The following FGF13 variants were observed in gnomAD, a reference collection of about 807,000 sequenced individuals.
FGF13 encodes the protein fibroblast growth factor homologous factor 2.
FGF13 carries 2 observed loss-of-function variants against 19.5 expected under a neutral mutation model. That is an observed-to-expected ratio of 0.10 (90% CI 0.04 to 0.32). FGF13 has a LOEUF of 0.32. Among genes scored for constraint, FGF13 ranks in the 10% least tolerant of loss-of-function variants. The pLI, the probability that FGF13 is intolerant of heterozygous loss-of-function variation, is 1.00. For synonymous variants in FGF13, 72 were observed against 76.9 expected (o/e 0.94, Z 0.33); for missense variants, 113 against 192.7 (o/e 0.59, Z 2.45).
intron 3 of FGF13, among the ~76,000 whole-genome samples, chrX:138,788,225 A>G (rs1368497265): frequency 2.7e-5 from 3 of 112,506 alleles, no homozygotes; most frequent in Non-Finnish European, 5.6e-5. Context: ...ATGAAGAAAT[A>G]GGAAAGAAAG....
intron 1 of FGF13, among the ~76,000 whole-genome samples, chrX:138,976,487 A>C (rs2091940265): frequency 9.0e-6 from 1 of 111,354 alleles, no homozygotes; most frequent in Non-Finnish European, 1.9e-5. Flanking sequence ...ATAAGTTAAA[A>C]CTAAGTTATG....
At chrX:139,173,386 A>T (rs192639501) in intron 1 of FGF13, among the ~76,000 whole-genome samples, 54 of 108,390 alleles carry the variant, frequency 5.0e-4, no homozygotes, top group African/African-American at 1.7e-3. Flanking sequence ...ATATAAATAT[A>T]ATATATATAT....
intron 1 of FGF13, among the ~76,000 whole-genome samples, chrX:138,917,718 T>G (rs1167540328): frequency 1.8e-5 from 2 of 112,257 alleles, no homozygotes; most frequent in Admixed American, 1.9e-4. Flanking sequence ...TTATGCTTTA[T>G]TTTTCCTTTT....
At chrX:138,983,682 T>C (rs2091973979) in intron 1 of FGF13, among the ~76,000 whole-genome samples, 1 of 110,532 alleles carries the variant, frequency 9.0e-6, no homozygotes, top group African/African-American at 3.3e-5. Flanking sequence ...TTTGAGTATT[T>C]ACACAAAAGA....
At chrX:138,799,727 T>C (rs1480414850) in intron 3 of FGF13, among the ~76,000 whole-genome samples, 1 of 111,544 alleles carries the variant, frequency 9.0e-6, no homozygotes, top group Non-Finnish European at 1.9e-5. Context: ...ACTTGTTTTA[T>C]GAAAGTGGGT....
At chrX:138,803,881 T>C (rs1034510451) in intron 3 of FGF13, among the ~76,000 whole-genome samples, 1 of 112,393 alleles carries the variant, frequency 8.9e-6, no homozygotes, top group African/African-American at 3.2e-5. Context: ...AGCACAACTT[T>C]GTGGTGACAT....
In FGF13 at chrX:138,767,392, T is replaced by A. The variant is rs142509069; in HGVS notation, c.218-58464A>T. Among the ~76,000 whole-genome samples the A allele has an allele frequency of 3.9e-3, 436 of 112,021 alleles. 8 individuals are homozygous for A. The highest frequency in any genetic ancestry group is 0.035 in the Admixed American group (366 of 10,498). On this transcript the variant is annotated intron_variant, in intron 3 of 6. Transcript: ENST00000436198. ...AATGTGTGCACAAGTCCCATGGGGA[T>A]CTTGTTAAAATTCAAATTCTTACCC...
chrX:138,923,503 G>A (rs745405116), intron 1 of FGF13, among the ~76,000 whole-genome samples: 1 of 112,228 alleles, frequency 8.9e-6, no homozygotes, highest in South Asian at 3.7e-4. Flanking sequence ...ACACCATCTT[G>A]TACAGCTACA....
At position 139,033,089 on chromosome X, in the gene FGF13, A is replaced by AT. The variant is rs1223947408; in HGVS notation, c.-112-168440dup. On this transcript the variant is annotated intron_variant, in intron 1 of 2. Coordinates refer to the FGF13 transcript ENST00000421460. The stretch of plus-strand genomic sequence containing the variant: ...CACATTCATGGGCTAATTTGGAGAG[A>AT]TTTTTTGGCTCTTCCTTTTCCCCTC... Among the ~76,000 whole-genome samples the AT allele has an allele frequency of 9.8e-4, 100 of 101,713 alleles. 1 individual carries two copies. The highest frequency in any genetic ancestry group is 1.8e-3 in the Non-Finnish European group (91 of 50,380). 88.3% of individuals were successfully genotyped at this position (101,713 alleles called of 115,157 possible). A position where few individuals can be genotyped will look rare whatever the true frequency, so the allele number is the denominator to read the frequency against.
chrX:139,001,298 AC>A lies in FGF13; in HGVS notation c.-112-136649del, dbSNP rs199732304. Among the ~76,000 whole-genome samples, 1,078 of 111,833 alleles carry A rather than the reference AC, an allele frequency of 9.6e-3. 20 individuals are homozygous for A. Among genetic ancestry groups the A allele is most frequent in the African/African-American group, 0.033 (1,021 of 30,707 alleles). ...TGTGCAAAGACTTCATGACTAAAAC[AC>A]CAAAAACAATGGCAAGAAAAGCCAA... is the stretch of plus-strand genomic sequence containing the variant. On this transcript the variant is annotated intron_variant, in intron 1 of 2. Transcript: ENST00000421460.
intron 3 of FGF13, among the ~76,000 whole-genome samples, chrX:138,760,199 AAC>A (rs1417975020): frequency 9.0e-6 from 1 of 111,654 alleles, no homozygotes; most frequent in African/African-American, 3.3e-5. Context: ...TCGTGCACCT[AAC>A]ACATATTTAC....
intron 3 of FGF13, among the ~76,000 whole-genome samples, chrX:138,817,243 C>T (rs781372654): frequency 8.1e-5 from 9 of 111,279 alleles, no homozygotes; most frequent in African/African-American, 1.6e-4. Context: ...TTAGGTATAC[C>T]GCCTTGTGGT....
intron 3 of FGF13, among the ~76,000 whole-genome samples, chrX:138,827,970 G>C (rs1261895722): frequency 9.0e-6 from 1 of 111,463 alleles, no homozygotes; most frequent in Non-Finnish European, 1.9e-5. Flanking sequence ...GGTTTGTTCA[G>C]CTACGAGTTC....
At chrX:138,768,701 T>TGATA (rs766573945) in intron 3 of FGF13, among the ~76,000 whole-genome samples, 1 of 98,750 alleles carries the variant, frequency 1.0e-5, no homozygotes, top group South Asian at 4.2e-4. Flanking sequence ...TAAGTATATA[T>TGATA]TATATATATA....
intron 1 of FGF13, among the ~76,000 whole-genome samples, chrX:139,146,664 A>G (rs2083892177): frequency 8.9e-6 from 1 of 112,133 alleles, no homozygotes; most frequent in African/African-American, 3.2e-5. Context: ...AAATACACAT[A>G]CACATGTATG....
chrX:138,980,128 T>C (rs1317373196), intron 1 of FGF13, among the ~76,000 whole-genome samples: 1 of 112,249 alleles, frequency 8.9e-6, no homozygotes, highest in Non-Finnish European at 1.9e-5. Flanking sequence ...TGAACAGTTA[T>C]GTAGTTTTTC....
intron 1 of FGF13, among the ~76,000 whole-genome samples, chrX:138,735,710 C>T (rs1405068475): frequency 8.9e-6 from 1 of 112,091 alleles, no homozygotes; most frequent in Non-Finnish European, 1.9e-5. Flanking sequence ...TTAACATACT[C>T]ACAAATGAGG....
chrX:139,107,942 A>T (rs897423315), intron 1 of FGF13, among the ~76,000 whole-genome samples: 1 of 111,440 alleles, frequency 9.0e-6, no homozygotes, highest in Non-Finnish European at 1.9e-5. Context: ...CTAGCTGTCC[A>T]TATCAGGCTT....
chrX:138,959,561 C>T (rs186301935), intron 1 of FGF13, among the ~76,000 whole-genome samples: 1 of 111,092 alleles, frequency 9.0e-6, no homozygotes, highest in Non-Finnish European at 1.9e-5. Context: ...GCTGAGTTCA[C>T]GTCCTGGATA....
Sources: gnomAD v4.1 joint callset for allele counts (sites outside exome capture counted in the v4.1 genomes callset) on GRCh38, gnomAD v4.1.1 for gene constraint, MANE v1.5 for transcripts, NCBI Gene and HGNC (gene_info 2026-07-23, HGNC 2026-07-21) for gene names.